COMMD10: variants seen among roughly 807,000 people sequenced by gnomAD.
COMMD10 encodes COMM domain-containing protein 10.
COMMD10 carries 33 observed loss-of-function variants against 28.9 expected under a neutral mutation model. The observed-to-expected ratio is 1.14, with a 90% CI of 0.87 to 1.53. The LOEUF is 1.53. Among genes scored for constraint, COMMD10 ranks in the 40% most tolerant of loss-of-function variants. COMMD10 has a pLI of 0.00. For synonymous variants in COMMD10, 110 were observed against 81.7 expected, an observed-to-expected ratio of 1.35 and a Z score of -1.87; for missense variants, 310 against 233.4, an observed-to-expected ratio of 1.33 and a Z score of -2.14.
chr5:116,232,368 T>C (rs1263690766), intron 5 of COMMD10, among the ~76,000 whole-genome samples: 1 of 150,826 alleles, frequency 6.6e-6, no homozygotes, highest in African/African-American at 2.4e-5. Context: ...GGCTTTTAAA[T>C]TGAAATATCA....
chr5:116,203,888 C>T (rs2112626140), intron 5 of COMMD10, among the ~76,000 whole-genome samples: 1 of 151,840 alleles, frequency 6.6e-6, no homozygotes, highest in Non-Finnish European at 1.5e-5. Context: ...TCACACATAA[C>T]AATATTAACT....
At chr5:116,160,776 C>G (rs867048833) in intron 5 of COMMD10, among the ~76,000 whole-genome samples, 4 of 152,238 alleles carry the variant, frequency 2.6e-5, no homozygotes, top group Middle Eastern at 6.8e-3. Flanking sequence ...AACATGCATT[C>G]TCTGTAATGA....
chr5:116,095,905 T>G (rs1404187577), intron 4 of COMMD10, among the ~76,000 whole-genome samples: 1 of 152,146 alleles, frequency 6.6e-6, no homozygotes, highest in East Asian at 1.9e-4. Context: ...ACCATGTGTT[T>G]GTCTAAAATC....
intron 5 of COMMD10, among the ~76,000 whole-genome samples, chr5:116,272,908 T>C (rs1481414175): frequency 6.6e-6 from 1 of 151,932 alleles, no homozygotes; most frequent in African/African-American, 2.4e-5. Flanking sequence ...TCCTCTCAAA[T>C]GGATGTGGAT....
intron 4 of COMMD10, among the ~76,000 whole-genome samples, chr5:116,104,169 T>C (rs1487441246): frequency 6.6e-6 from 1 of 152,210 alleles, no homozygotes; most frequent in Non-Finnish European, 1.5e-5. Context: ...GTAGTTTTTT[T>C]CCAATGCTGT....
At chr5:116,154,332 C>G (rs1398368136) in intron 5 of COMMD10, among the ~76,000 whole-genome samples, 2 of 152,212 alleles carry the variant, frequency 1.3e-5, no homozygotes, top group Admixed American at 6.5e-5. Flanking sequence ...GGATTTAAAA[C>G]TTGAAATTTG....
chr5:116,290,785 C>T (rs62384470), intron 5 of COMMD10, among the ~76,000 whole-genome samples: 4 of 152,206 alleles, frequency 2.6e-5, no homozygotes, highest in African/African-American at 9.6e-5. Context: ...CAGTCTTAAG[C>T]AAATTGTTTG....
chr5:116,173,838 G>GTTT (rs201419186), intron 5 of COMMD10, among the ~76,000 whole-genome samples: 4 of 118,922 alleles, frequency 3.4e-5, no homozygotes, highest in African/African-American at 1.5e-4. Flanking sequence ...GTTTTGTTTT[G>GTTT]TTTTGTTTTT....
intron 5 of COMMD10, among the ~76,000 whole-genome samples, chr5:116,239,144 C>T (rs1377188758): frequency 6.6e-6 from 1 of 152,126 alleles, no homozygotes; most frequent in Non-Finnish European, 1.5e-5. Flanking sequence ...CAATTTAAAC[C>T]ATGGCTTTTA....
At chr5:116,127,653 A>C (rs770752826) in intron 4 of COMMD10, among the ~76,000 whole-genome samples, 7 of 152,242 alleles carry the variant, frequency 4.6e-5, no homozygotes, top group Non-Finnish European at 1.0e-4. Flanking sequence ...AGAAACCATC[A>C]TTCTGAGCAA....
At chr5:116,234,911 C>T (rs995192234) in intron 5 of COMMD10, among the ~76,000 whole-genome samples, 4 of 152,278 alleles carry the variant, frequency 2.6e-5, no homozygotes, top group African/African-American at 9.6e-5. Context: ...TGCTAAGCCG[C>T]CACTTAGAAA....
chr5:116,159,703 A>T (rs532744165), intron 5 of COMMD10, among the ~76,000 whole-genome samples: 2 of 152,190 alleles, frequency 1.3e-5, no homozygotes, highest in Non-Finnish European at 2.9e-5. Flanking sequence ...GAGTGCAGAG[A>T]TGCATGGGGT....
In COMMD10 at chr5:116,282,476, C is replaced by G. The variant is rs187042914; in HGVS notation, c.511-9041C>G. Among the ~76,000 whole-genome samples the G allele has an allele frequency of 2.3e-4, 35 of 151,998 alleles. 2 individuals carry two copies. The East Asian group carries it at 4.4e-3, about 19-fold the overall frequency. On this transcript the variant is annotated intron_variant, in intron 5 of 6. Transcript: ENST00000274458. ...TTATATCACTCTTATATCTAAAACTCTATAATGCTTTTACATTGCTCTTAT... is the reference window on the plus strand; with the variant it reads ...TTATATCACTCTTATATCTAAAACTGTATAATGCTTTTACATTGCTCTTAT...
intron 1 of COMMD10, among the ~76,000 whole-genome samples, chr5:116,086,224 C>G (rs924861291): frequency 6.6e-6 from 1 of 152,206 alleles, no homozygotes; most frequent in African/African-American, 2.4e-5. Flanking sequence ...TGGGAATCAG[C>G]TTTATGTTCC....
intron 5 of COMMD10, among the ~76,000 whole-genome samples, chr5:116,278,331 G>T (rs535373182): frequency 6.6e-6 from 1 of 151,758 alleles, no homozygotes; most frequent in African/African-American, 2.4e-5. Flanking sequence ...AAATATTTCA[G>T]TACCAAAGCT....
chr5:116,228,187 G>T (rs190018038), intron 5 of COMMD10, among the ~76,000 whole-genome samples: 1 of 151,902 alleles, frequency 6.6e-6, no homozygotes, highest in East Asian at 1.9e-4. Context: ...AGAGTTTTAA[G>T]CCAAATAAAT....
At chr5:116,160,925 G>A (rs10056931) in intron 5 of COMMD10, among the ~76,000 whole-genome samples, 48,939 of 151,796 alleles carry the variant, frequency 0.32, 11,246 homozygotes, top group African/African-American at 0.66. Context: ...ATATTGGTAT[G>A]AGGCTTTTTT....
intron 5 of COMMD10, among the ~76,000 whole-genome samples, chr5:116,143,179 A>T (rs1411162364): frequency 6.6e-6 from 1 of 151,144 alleles, no homozygotes; most frequent in Non-Finnish European, 1.5e-5. Context: ...GCATAACGCA[A>T]TGCAAACTTC....
At chr5:116,214,234 T>A (rs1327121222) in intron 5 of COMMD10, among the ~76,000 whole-genome samples, 1 of 152,088 alleles carries the variant, frequency 6.6e-6, no homozygotes, top group Non-Finnish European at 1.5e-5. Flanking sequence ...AGGGAAGAAA[T>A]AGAAAATATA....
Sources: allele counts gnomAD v4.1 joint callset (sites outside exome capture counted in the v4.1 genomes callset), GRCh38; gene constraint gnomAD v4.1.1; transcripts MANE v1.5; gene names NCBI Gene and HGNC (gene_info 2026-07-23, HGNC 2026-07-21).